XRRA1: variants seen among roughly 807,000 people sequenced by gnomAD.
XRRA1 encodes the protein X-ray radiation resistance associated 1, also known as X-ray radiation resistance-associated protein 1.
In XRRA1, 69 loss-of-function variants were observed where a neutral mutation model predicts 80.2. The ratio of observed to expected loss-of-function variants is 0.86; its 90% CI spans 0.71 to 1.05. The LOEUF (loss-of-function observed/expected upper bound fraction) is 1.05. Among genes scored for constraint, XRRA1 ranks in the 50% least tolerant of loss-of-function variants. XRRA1 has a pLI of 0.00. For missense variants in XRRA1, 967 were observed against 976.4 expected, an observed-to-expected ratio of 0.99 and a Z score of 0.13; for synonymous variants, 348 against 389.9, an observed-to-expected ratio of 0.89 and a Z score of 1.27.
intron 10 of XRRA1, among the ~76,000 whole-genome samples, chr11:74,890,421 T>C (rs1003346705): frequency 1.3e-5 from 2 of 152,242 alleles, no homozygotes; most frequent in African/African-American, 4.8e-5. Flanking sequence ...GGGAAATTTA[T>C]AGCACTAAAT....
At chr11:74,877,804 A>C (rs2046418923) in intron 10 of XRRA1, among the ~76,000 whole-genome samples, 1 of 152,016 alleles carries the variant, frequency 6.6e-6, no homozygotes, top group South Asian at 2.1e-4. Flanking sequence ...ATCATTTTTT[A>C]TGGCTGCATA....
At chr11:74,872,193 T>C (rs937334744) in intron 10 of XRRA1, among the ~76,000 whole-genome samples, 2 of 152,138 alleles carry the variant, frequency 1.3e-5, no homozygotes, top group African/African-American at 4.8e-5. Flanking sequence ...CTCTAAACTG[T>C]CCAAGATAAA....
chr11:74,924,825 G>C (rs922408935), intron 7 of XRRA1, among the ~76,000 whole-genome samples: 5 of 152,130 alleles, frequency 3.3e-5, no homozygotes, highest in African/African-American at 1.2e-4. Flanking sequence ...GAGGGAGACT[G>C]TCTCAAAAAA....
intron 10 of XRRA1, among the ~76,000 whole-genome samples, chr11:74,890,226 T>C (rs920254576): frequency 4.6e-5 from 7 of 152,140 alleles, no homozygotes; most frequent in African/African-American, 1.2e-4. Context: ...GCAGTCAAAC[T>C]AGAACTCAGG....
intron 10 of XRRA1, among the ~76,000 whole-genome samples, chr11:74,870,535 T>C (rs952338831): frequency 6.6e-6 from 1 of 152,200 alleles, no homozygotes; most frequent in Non-Finnish European, 1.5e-5. Flanking sequence ...GCAAATGCCA[T>C]AGTAACCAGG....
intron 10 of XRRA1, among the ~76,000 whole-genome samples, chr11:74,883,444 A>G (rs1408097211): frequency 6.6e-6 from 1 of 151,710 alleles, no homozygotes; most frequent in African/African-American, 2.4e-5. Context: ...CCGGTACCTC[A>G]GATGGAAATG....
intron 4 of XRRA1, among the ~76,000 whole-genome samples, chr11:74,935,492 T>C (rs1944730211): frequency 6.6e-6 from 1 of 152,194 alleles, no homozygotes; most frequent in African/African-American, 2.4e-5. Flanking sequence ...GTGGCCCAGA[T>C]AAGGGTCATG....
intron 7 of XRRA1, among the ~76,000 whole-genome samples, chr11:74,923,423 A>C (rs1205455141): frequency 6.6e-6 from 1 of 152,200 alleles, no homozygotes; most frequent in Non-Finnish European, 1.5e-5. Flanking sequence ...CTACAGGAGG[A>C]AGACCTGGAA....
chr11:74,932,065 T>G (rs547102735), intron 5 of XRRA1, among the ~76,000 whole-genome samples: 2 of 152,236 alleles, frequency 1.3e-5, no homozygotes, highest in African/African-American at 2.4e-5. Context: ...TTGTCTATTT[T>G]TCTACTGGGT....
chr11:74,880,326 T>C (rs911770237), intron 10 of XRRA1, among the ~76,000 whole-genome samples: 1 of 152,226 alleles, frequency 6.6e-6, no homozygotes, highest in Non-Finnish European at 1.5e-5. Flanking sequence ...CTTTATCATT[T>C]TTTATTGCAT....
chr11:74,857,652 G>A (rs1256121173), intron 12 of XRRA1, among the ~76,000 whole-genome samples: 1 of 152,134 alleles, frequency 6.6e-6, no homozygotes, highest in Non-Finnish European at 1.5e-5. Flanking sequence ...CAAAACTGCA[G>A]AATATACATA....
At chr11:74,938,074 A>C (rs891753032) in intron 3 of XRRA1, among the ~76,000 whole-genome samples, 12 of 152,324 alleles carry the variant, frequency 7.9e-5, no homozygotes, top group African/African-American at 2.9e-4. Context: ...ATAATATAAC[A>C]TCTTATATTA....
chr11:74,904,413 T>A (rs2054150389), intron 10 of XRRA1, among the ~76,000 whole-genome samples: 1 of 151,688 alleles, frequency 6.6e-6, no homozygotes, highest in South Asian at 2.1e-4. Context: ...TTGAGCACGA[T>A]CGTGTAACCG....
chr11:74,854,454 C>T (rs1162127960), intron 12 of XRRA1, among the ~76,000 whole-genome samples: 5 of 152,194 alleles, frequency 3.3e-5, no homozygotes, highest in South Asian at 2.1e-4. Context: ...TCTGTTGCAG[C>T]TATTCAATTT....
intron 10 of XRRA1, chr11:74,876,925 T>G (rs1590873636): frequency 6.6e-6 from 1 of 152,346 alleles, no homozygotes; most frequent in Middle Eastern, 3.4e-3. Context: ...AAGATTTTGA[T>G]TATCCATGAG....
intron 10 of XRRA1, among the ~76,000 whole-genome samples, chr11:74,869,473 G>T (rs1468826320): frequency 2.0e-5 from 3 of 152,200 alleles, no homozygotes; most frequent in African/African-American, 7.2e-5. Context: ...CAAGCTGGAA[G>T]TTTGCATGGG....
chr11:74,881,678 C>CA (rs1433679390), intron 10 of XRRA1, among the ~76,000 whole-genome samples: 1 of 152,166 alleles, frequency 6.6e-6, no homozygotes, highest in Non-Finnish European at 1.5e-5. Flanking sequence ...AAAATCCCTT[C>CA]AGGAGCTCTT....
chr11:74,948,754 C>T (rs1040096837), intron 1 of XRRA1, among the ~76,000 whole-genome samples, 174 bp downstream of exon 1: 2 of 152,142 alleles, frequency 1.3e-5, no homozygotes, highest in Admixed American at 1.3e-4. Flanking sequence ...GCGAGTTCTC[C>T]GTTAACACGA....
chr11:74,867,936 T>C (rs1054923397), intron 10 of XRRA1, among the ~76,000 whole-genome samples: 1 of 150,336 alleles, frequency 6.7e-6, no homozygotes, highest in East Asian at 2.0e-4. Context: ...TTTTTTTTTT[T>C]CTGAGACAGA....
Sources: allele counts gnomAD v4.1 joint callset (sites outside exome capture counted in the v4.1 genomes callset), GRCh38; gene constraint gnomAD v4.1.1; transcripts MANE v1.5; gene names NCBI Gene and HGNC (gene_info 2026-07-23, HGNC 2026-07-21).